SKIC3: variants seen among roughly 807,000 people sequenced by gnomAD.
SKIC3 encodes the protein superkiller complex protein 3.
the SKIC3 span, among the ~76,000 whole-genome samples, chr5:95,551,819 TA>T: frequency 1.3e-5 from 2 of 152,218 alleles, no homozygotes; most frequent in African/African-American, 4.8e-5. Flanking sequence ...TCCTCACTGG[TA>T]AAGTAAGAAT....
the SKIC3 span, among the ~76,000 whole-genome samples, chr5:95,519,340 A>G: frequency 1.3e-5 from 2 of 151,990 alleles, no homozygotes; most frequent in African/African-American, 4.8e-5. Context: ...CTGCTATGTT[A>G]CTGGCAGATG....
chr5:95,490,443 GTA>G, the SKIC3 span, among the ~76,000 whole-genome samples: 104 of 143,708 alleles, frequency 7.2e-4, no homozygotes, highest in South Asian at 2.0e-3. Flanking sequence ...ATTAAATAAT[GTA>G]TATATATATT....
At chr5:95,515,666 T>C in the SKIC3 span, among the ~76,000 whole-genome samples, 6 of 152,152 alleles carry the variant, frequency 3.9e-5, no homozygotes, top group African/African-American at 1.4e-4. Flanking sequence ...AATATTTTCT[T>C]CAATCTATTT....
At chr5:95,491,582 T>G in the SKIC3 span, among the ~76,000 whole-genome samples, 1 of 152,238 alleles carries the variant, frequency 6.6e-6, no homozygotes, top group Admixed American at 6.5e-5. Flanking sequence ...TGATCTTTTC[T>G]TCTTTCCTTC....
At chr5:95,518,519 AT>A in the SKIC3 span, among the ~76,000 whole-genome samples, 5 of 149,470 alleles carry the variant, frequency 3.3e-5, no homozygotes, top group Admixed American at 6.7e-5. Context: ...TATGAGATCA[AT>A]TTTTTTTTTA....
At chr5:95,481,002 T>C in the SKIC3 span, among the ~76,000 whole-genome samples, 1 of 152,008 alleles carries the variant, frequency 6.6e-6, no homozygotes, top group African/African-American at 2.4e-5. Context: ...GGGGAAGCAG[T>C]TGGGTTGCTA....
chr5:95,514,726 G>T, the SKIC3 span: 1 of 843,514 alleles, frequency 1.2e-6, no homozygotes, highest in Non-Finnish European at 1.9e-6. Context: ...TATACAAAGA[G>T]CTAAGCACAG....
the SKIC3 span, among the ~76,000 whole-genome samples, chr5:95,471,197 C>G: frequency 6.6e-6 from 1 of 152,150 alleles, no homozygotes; most frequent in South Asian, 2.1e-4. Flanking sequence ...TAAGGCAAAG[C>G]ACATTCTAAT....
the SKIC3 span, among the ~76,000 whole-genome samples, chr5:95,472,233 G>A: frequency 3.3e-5 from 5 of 152,076 alleles, no homozygotes; most frequent in Admixed American, 3.3e-4. Context: ...TGAGAGTGTT[G>A]CTAATTCTGT....
At chr5:95,479,681 G>C in the SKIC3 span, among the ~76,000 whole-genome samples, 1 of 88,914 alleles carries the variant, frequency 1.1e-5, no homozygotes, top group South Asian at 3.6e-4. Flanking sequence ...AACATTGTGT[G>C]TGTGTGTGTG....
At chr5:95,504,920 A>G in the SKIC3 span, among the ~76,000 whole-genome samples, 1 of 151,798 alleles carries the variant, frequency 6.6e-6, no homozygotes, top group Non-Finnish European at 1.5e-5. Context: ...CAGGAGAATC[A>G]CTTGAACCCG....
chr5:95,525,586 C>T, the SKIC3 span: 2 of 1,613,968 alleles, frequency 1.2e-6, no homozygotes, highest in South Asian at 1.1e-5. Context: ...AAAAAGCCAA[C>T]CTTTGCAGCT....
At chr5:95,528,812 A>T in the SKIC3 span, 1 of 598,080 alleles carries the variant, frequency 1.7e-6, no homozygotes, top group South Asian at 2.0e-5. Flanking sequence ...ATTCATTGTC[A>T]GTTTAAAAAT....
chr5:95,494,773 C>T, the SKIC3 span: 49 of 1,613,526 alleles, frequency 3.0e-5, no homozygotes, highest in African/African-American at 1.9e-4. Context: ...ACTGATTTAC[C>T]GCAGTGTACA....
the SKIC3 span, chr5:95,497,532 A>T: frequency 1.4e-6 from 2 of 1,471,038 alleles, no homozygotes; most frequent in Non-Finnish European, 1.9e-6. Context: ...AGTTACTTTA[A>T]CCACAAAATG....
the SKIC3 span, among the ~76,000 whole-genome samples, chr5:95,539,603 G>A: frequency 6.6e-6 from 1 of 152,134 alleles, no homozygotes; most frequent in Non-Finnish European, 1.5e-5. Context: ...CAACACTTTG[G>A]GGGGCTGAAG....
the SKIC3 span, among the ~76,000 whole-genome samples, chr5:95,514,626 C>T: frequency 6.6e-6 from 1 of 152,110 alleles, no homozygotes. Flanking sequence ...CACTTAGGAG[C>T]TCTGAGTTTC....
chr5:95,497,520 C>A, the SKIC3 span: 6 of 1,576,114 alleles, frequency 3.8e-6, no homozygotes, highest in Non-Finnish European at 5.2e-6. Flanking sequence ...GGCTTAGGGA[C>A]AAGTTACTTT....
the SKIC3 span, chr5:95,516,722 C>T: frequency 6.2e-7 from 1 of 1,613,290 alleles, no homozygotes; most frequent in South Asian, 1.1e-5. Context: ...GTGATTATTA[C>T]TGTCGAGTCT....
Sources: gnomAD v4.1 joint callset for allele counts (sites outside exome capture counted in the v4.1 genomes callset) on GRCh38, gnomAD v4.1.1 for gene constraint, MANE v1.5 for transcripts, NCBI Gene and HGNC (gene_info 2026-07-23, HGNC 2026-07-21) for gene names.